ELF1: variants seen among roughly 807,000 people sequenced by gnomAD.
The protein encoded by ELF1 is ETS-related transcription factor Elf-1.
In ELF1, 24 loss-of-function variants were observed where a neutral mutation model predicts 59.9. The ratio of observed to expected loss-of-function variants is 0.40; its 90% CI spans 0.29 to 0.56. ELF1 has a LOEUF of 0.56. Ranked by LOEUF, ELF1 falls within the 20% of genes least tolerant of loss-of-function variation. The pLI, the probability that ELF1 is intolerant of heterozygous loss-of-function variation, is 0.44. For synonymous variants in ELF1, 248 were observed against 266.2 expected (o/e 0.93, Z 0.67); for missense variants, 627 against 742.2 (o/e 0.84, Z 1.80).
intron 1 of ELF1, among the ~76,000 whole-genome samples, chr13:41,033,062 T>G (rs1398520510): frequency 6.6e-6 from 1 of 152,190 alleles, no homozygotes; most frequent in Non-Finnish European, 1.5e-5. Flanking sequence ...ATTTTTGCTC[T>G]TTGATAAAAG....
chr13:40,936,210 C>T (rs539571388), intron 8 of ELF1, among the ~76,000 whole-genome samples: 10 of 152,178 alleles, frequency 6.6e-5, no homozygotes, highest in South Asian at 2.1e-4. Context: ...GCCGATGTGC[C>T]GCCTTACCAT....
chr13:40,935,182 C>T (rs1480850726), intron 8 of ELF1, among the ~76,000 whole-genome samples: 6 of 152,174 alleles, frequency 3.9e-5, no homozygotes, highest in Admixed American at 1.3e-4. Context: ...AAAAAGTTCA[C>T]AGCTCTGAAA....
chr13:41,056,310 A>C (rs749351687), intron 1 of ELF1, among the ~76,000 whole-genome samples: 1 of 152,222 alleles, frequency 6.6e-6, no homozygotes, highest in Non-Finnish European at 1.5e-5. Flanking sequence ...CTTGTGATTG[A>C]GTACCTCATC....
chr13:40,954,303 C>A (rs1871055223), intron 3 of ELF1, among the ~76,000 whole-genome samples: 1 of 152,180 alleles, frequency 6.6e-6, no homozygotes, highest in Admixed American at 6.5e-5. Context: ...TTGTAAACCC[C>A]AATGTTGGAG....
intron 2 of ELF1, among the ~76,000 whole-genome samples, chr13:40,961,592 C>T (rs1447629506): frequency 6.6e-6 from 1 of 152,060 alleles, no homozygotes; most frequent in African/African-American, 2.4e-5. Flanking sequence ...AAAATTATAC[C>T]GTAACTCACA....
chr13:40,989,944 T>TGTG (rs1353377850), intron 1 of ELF1, among the ~76,000 whole-genome samples: 1 of 152,212 alleles, frequency 6.6e-6, no homozygotes, highest in East Asian at 1.9e-4. Flanking sequence ...AATAACCAAG[T>TGTG]GTGGTGTCTC....
At chr13:41,032,509 C>T (rs1471824101) in intron 1 of ELF1, among the ~76,000 whole-genome samples, 7 of 151,994 alleles carry the variant, frequency 4.6e-5, no homozygotes, top group Admixed American at 2.6e-4. Flanking sequence ...TGAGCCCCTG[C>T]GCCCAGCGAT....
At chr13:41,004,126 T>A (rs1344492446) in intron 1 of ELF1, among the ~76,000 whole-genome samples, 1 of 152,088 alleles carries the variant, frequency 6.6e-6, no homozygotes, top group Non-Finnish European at 1.5e-5. Context: ...ATAAATAAGA[T>A]ATGATCCTTG....
intron 1 of ELF1, among the ~76,000 whole-genome samples, chr13:41,003,078 T>C (rs1566186327): frequency 1.3e-5 from 2 of 152,222 alleles, no homozygotes; most frequent in Non-Finnish European, 1.5e-5. Context: ...TATGTTTGTT[T>C]TAGCATTCTA....
At chr13:40,989,442 T>C (rs1467033330) in intron 1 of ELF1, among the ~76,000 whole-genome samples, 1 of 152,258 alleles carries the variant, frequency 6.6e-6, no homozygotes, top group Non-Finnish European at 1.5e-5. Context: ...TGAGAGAAAG[T>C]TTAAAACTAT....
rs1482197663 is a variant in ELF1, at chr13:40,951,456, AAAATT to A, written c.254-25_254-21del. ...CTTCAACTGCAACACATTTAAAGAG[AAAATT>A]AAATTAACTACGAGACATCTGTTAC... On this transcript the variant is annotated intron_variant, in intron 3 of 8. Transcript: ENST00000239882. 3.7e-6 allele frequency: 6 copies of A among 1,601,516 alleles called. No homozygotes were observed. Among genetic ancestry groups the A allele is most frequent in the Middle Eastern group, 1.7e-4 (1 of 6,038 alleles).
chr13:41,024,557 T>A (rs1318740753), intron 1 of ELF1, among the ~76,000 whole-genome samples: 2 of 152,122 alleles, frequency 1.3e-5, no homozygotes, highest in Non-Finnish European at 2.9e-5. Flanking sequence ...TGTATTTTTT[T>A]GTAGAGGCAG....
At chr13:40,943,773 A>C in intron 6 of ELF1, 69 bp downstream of exon 6, 1 of 1,318,444 alleles carries the variant, frequency 7.6e-7, no homozygotes, top group African/African-American at 1.5e-5. Context: ...GGTGGTTTCT[A>C]GTTATAATAG....
chr13:41,007,957 C>A (rs1433410252), intron 1 of ELF1, among the ~76,000 whole-genome samples: 1 of 152,156 alleles, frequency 6.6e-6, no homozygotes, highest in African/African-American at 2.4e-5. Context: ...GATGAAACTG[C>A]GAGTGCCTCT....
chr13:41,010,645 T>C (rs971567294), intron 1 of ELF1, among the ~76,000 whole-genome samples: 1 of 152,166 alleles, frequency 6.6e-6, no homozygotes, highest in African/African-American at 2.4e-5. Context: ...ATATAATTTA[T>C]GAATAGTTTT....
At chr13:41,045,475 T>C (rs1014500675) in intron 1 of ELF1, among the ~76,000 whole-genome samples, 29 of 152,212 alleles carry the variant, frequency 1.9e-4, no homozygotes, top group Non-Finnish European at 1.5e-5. Context: ...GTCCCAGAGA[T>C]TCTGGTATGT....
chr13:40,947,361 G>A (rs1870570635), intron 5 of ELF1, among the ~76,000 whole-genome samples: 1 of 152,204 alleles, frequency 6.6e-6, no homozygotes, highest in African/African-American at 2.4e-5. Context: ...GGCCAACATG[G>A]TGAAACCTCA....
At position 40,934,396 on chromosome 13, in the gene ELF1, A is replaced by T. The variant is rs1036167205; in HGVS notation, c.1257-368T>A. On this transcript the variant is annotated intron_variant, in intron 8 of 8. Transcript: ENST00000239882. ...CTTAAAATTAGGAATTTAAAAGCAA[A>T]TCTGTTTGATTCATTCCTGCTTTTT... 1.2e-4 allele frequency among the ~76,000 whole-genome samples: 18 copies of T among 147,884 alleles called. No homozygotes were observed. In the Admixed American group the frequency reaches 1.2e-3, roughly 10 times the overall value.
chr13:41,056,200 C>G (rs936284044), intron 1 of ELF1, among the ~76,000 whole-genome samples: 6 of 152,204 alleles, frequency 3.9e-5, no homozygotes, highest in African/African-American at 1.4e-4. Context: ...AAGGCAACCA[C>G]TAATTTTCCC....
Sources: allele counts gnomAD v4.1 joint callset (sites outside exome capture counted in the v4.1 genomes callset), GRCh38; gene constraint gnomAD v4.1.1; transcripts MANE v1.5; gene names NCBI Gene and HGNC (gene_info 2026-07-23, HGNC 2026-07-21).